The following SLC7A5 variants were observed in gnomAD, a reference collection of about 807,000 sequenced individuals.
SLC7A5 encodes solute carrier family 7 member 5.
Under a neutral mutation model 50.2 loss-of-function variants are expected in SLC7A5, and 23 were observed. The ratio of observed to expected loss-of-function variants is 0.46; its 90% CI spans 0.33 to 0.65. The LOEUF (loss-of-function observed/expected upper bound fraction) is 0.65. Ranked by LOEUF, SLC7A5 falls within the 30% of genes least tolerant of loss-of-function variation. SLC7A5 has a pLI of 0.02. For missense variants in SLC7A5, 578 were observed against 684.4 expected (o/e 0.84, Z 1.73); for synonymous variants, 393 against 330.6 (o/e 1.19, Z -2.05).
intron 1 of SLC7A5, among the ~76,000 whole-genome samples, chr16:87,866,423 T>TC (rs1433724481): frequency 1.3e-5 from 2 of 152,128 alleles, no homozygotes; most frequent in Admixed American, 6.5e-5. Flanking sequence ...TGCCTCAGCC[T>TC]CCGAGTAGCT....
chr16:87,842,891 C>T (rs1010447440), intron 2 of SLC7A5, among the ~76,000 whole-genome samples: 1 of 150,432 alleles, frequency 6.6e-6, no homozygotes, highest in African/African-American at 2.5e-5. Context: ...TGGCCTCTCT[C>T]CCATCTGCTC....
At chr16:87,843,347 CTTTTTTTTTTTTTTTTTT>C (rs60307560) in intron 2 of SLC7A5, among the ~76,000 whole-genome samples, 21 of 63,322 alleles carry the variant, frequency 3.3e-4, no homozygotes, top group East Asian at 1.4e-3. Context: ...GCCTGAGTAA[CTTTTTTTTTTTTTTTTTT>C]TTTTTTTTTT....
intron 1 of SLC7A5, among the ~76,000 whole-genome samples, chr16:87,864,011 G>C (rs536820956): frequency 0.014 from 141 of 10,398 alleles, 1 homozygote; most frequent in Middle Eastern, 0.071. Context: ...ATATATATCA[G>C]CCGAGTAGGC....
At chr16:87,850,852 T>C (rs1261384314) in intron 2 of SLC7A5, among the ~76,000 whole-genome samples, 1 of 152,226 alleles carries the variant, frequency 6.6e-6, no homozygotes, top group African/African-American at 2.4e-5. Flanking sequence ...GTGGAGGCTC[T>C]GCAGGCAGAC....
chr16:87,848,645 C>A (rs1030219972), intron 2 of SLC7A5, among the ~76,000 whole-genome samples: 4 of 152,200 alleles, frequency 2.6e-5, no homozygotes, highest in Non-Finnish European at 4.4e-5. Flanking sequence ...TCGCCCCTGT[C>A]ACTCAGCCAG....
At chr16:87,837,792 G>GC in intron 7 of SLC7A5, 53 bp downstream of exon 7, 1 of 1,441,560 alleles carries the variant, frequency 6.9e-7, no homozygotes, top group Non-Finnish European at 9.6e-7. Flanking sequence ...CCCTCTGGGA[G>GC]CCCCCGGACA....
At position 87,838,689 on chromosome 16, in the gene SLC7A5, C is replaced by G. The variant is rs375781450; in HGVS notation, c.1043+25G>C. The stretch of plus-strand genomic sequence containing the variant: ...GCCATGAGGCCTGGGCCTCCCTCAC[C>G]TGTGGTGGGTCGGGCTGTGCTCACC... On this transcript the variant is annotated intron_variant, in intron 6 of 9. Coordinates refer to ENST00000261622, the MANE Select transcript of SLC7A5 (RefSeq NM_003486.7). The G allele has an allele frequency of 7.6e-6, 12 of 1,575,094 alleles. No homozygotes were observed. The African/African-American group carries it at 1.2e-4, about 16-fold the overall frequency.
At chr16:87,863,986 A>AAAATATATATATATATATATATATAT (rs376938738) in intron 1 of SLC7A5, among the ~76,000 whole-genome samples, 6 of 83,278 alleles carry the variant, frequency 7.2e-5, no homozygotes, top group Non-Finnish European at 1.5e-4. Flanking sequence ...ATCATTTAAA[A>AAAATATATATATATATATATATATAT]ATATATATAT....
At chr16:87,859,152 G>A (rs929142746) in intron 1 of SLC7A5, among the ~76,000 whole-genome samples, 19 of 152,214 alleles carry the variant, frequency 1.2e-4, no homozygotes, top group Non-Finnish European at 2.5e-4. Flanking sequence ...TGAAGCAAAC[G>A]ACCAGAGAAG....
chr16:87,841,913 G>A lies in SLC7A5; in HGVS notation c.665-758C>T, dbSNP rs368434673. Among the ~76,000 whole-genome samples, 4 of 152,214 alleles carry A rather than the reference G, an allele frequency of 2.6e-5. No individual in the cohort carries two copies. Among genetic ancestry groups the A allele is most frequent in the Non-Finnish European group, 5.9e-5 (4 of 68,030 alleles). The stretch of plus-strand genomic sequence containing the variant: ...CCAAATAAGGCCACCAGCATTCACA[G>A]GTTCCCCAGGAGGACATGTCTTTTG... On this transcript the variant is annotated intron_variant, in intron 2 of 9. Coordinates refer to ENST00000261622, the MANE Select transcript of SLC7A5 (RefSeq NM_003486.7). The surrounding 1 kb of genome is among the most constrained non-coding windows in gnomAD (Gnocchi z 4.8).
intron 1 of SLC7A5, among the ~76,000 whole-genome samples, chr16:87,858,723 C>T (rs189713312): frequency 0.01 from 1,571 of 152,282 alleles, 16 homozygotes; most frequent in Non-Finnish European, 0.015. Flanking sequence ...GCACCAAGTC[C>T]ACTTGGGCTC....
intron 1 of SLC7A5, among the ~76,000 whole-genome samples, chr16:87,855,465 A>G (rs2055304353): frequency 6.6e-6 from 1 of 152,022 alleles, no homozygotes; most frequent in African/African-American, 2.4e-5. Flanking sequence ...GTGCACACAC[A>G]CGCACAGCAC....
chr16:87,837,317 T>C, intron 7 of SLC7A5: 1 of 188,844 alleles, frequency 5.3e-6, no homozygotes, highest in Non-Finnish European at 1.1e-5. Context: ...TCTCCAGCCC[T>C]GGTCACACCC....
At chr16:87,854,083 C>G (rs1267284207) in intron 1 of SLC7A5, 1 of 140,790 alleles carries the variant, frequency 7.1e-6, no homozygotes, top group African/African-American at 2.7e-5. Flanking sequence ...CCCCCCCCCC[C>G]ACCGCCAGCC....
rs1202103493 is a variant in SLC7A5, at chr16:87,860,820, GC to G, written c.538+8064del. Reference sequence around the variant, plus strand: ...TCGGTGCTCATTCCTCACGTAGTGGGCAAATCCTAGGGCAGGGGAGGGGCGG... The same window carrying G: ...TCGGTGCTCATTCCTCACGTAGTGGGAAATCCTAGGGCAGGGGAGGGGCGG... On this transcript the variant is annotated intron_variant, in intron 1 of 9. Transcript: ENST00000261622. The surrounding 1 kb of genome is among the most constrained non-coding windows in gnomAD (Gnocchi z 4.8). Among the ~76,000 whole-genome samples the G allele has an allele frequency of 6.6e-6, 1 of 152,204 alleles. No homozygotes were observed. The highest frequency in any genetic ancestry group is 1.5e-5 in the Non-Finnish European group (1 of 68,038).
chr16:87,860,393 CACACACATAT>C lies in SLC7A5; in HGVS notation c.538+8482_538+8491del, dbSNP rs1444027515. Among the ~76,000 whole-genome samples, 599 of 73,150 alleles carry C rather than the reference CACACACATAT, an allele frequency of 8.2e-3. 14 individuals carry two copies. The highest frequency in any genetic ancestry group is 0.02 in the African/African-American group (426 of 21,228). The allele number at this position is 73,150 out of a possible 152,430, so 48.0% of individuals were successfully genotyped here. ...ACACACACACACACACACACACACA[CACACACATAT>C]ATATATAAAGAAAAAGGAAATCTTC... On this transcript the variant is annotated intron_variant, in intron 1 of 9. Coordinates refer to ENST00000261622, the MANE Select transcript of SLC7A5 (RefSeq NM_003486.7). This position sits in a 1 kb window ranked among gnomAD's most constrained non-coding sequence, Gnocchi z 4.8.
Position 87,834,505 on chromosome 16 carries a change from G to A in SLC7A5, c.1377C>T (p.Gly459=), listed in dbSNP as rs2054972242. ...VSFWKTPVEC[G]IGFTIILSGL... ...CGCTGAGGATGATGGTGAAGCCGAT[G>A]CCACACTCCACGGGTGTCTTCCAGA... The change falls in exon 9 of 10, where the codon GGC becomes GGT. Residue 459 remains glycine (G), a synonymous_variant. Coordinates refer to ENST00000261622, the MANE Select transcript of SLC7A5 (RefSeq NM_003486.7). 1.9e-6 allele frequency: 3 copies of A among 1,591,616 alleles called. No homozygotes were observed. In the African/African-American group the frequency reaches 4.0e-5, roughly 21 times the overall value.
In SLC7A5 at chr16:87,854,462, G is replaced by A. The variant is rs79388113; in HGVS notation, c.539-2613C>T. Among the ~76,000 whole-genome samples the A allele has an allele frequency of 9.8e-3, 1,499 of 152,278 alleles. 37 individuals are homozygous for A. Among genetic ancestry groups the A allele is most frequent in the African/African-American group, 0.034 (1,402 of 41,546 alleles). On this transcript the variant is annotated intron_variant, in intron 1 of 9. Coordinates refer to ENST00000261622, the MANE Select transcript of SLC7A5 (RefSeq NM_003486.7). ...CAGTACCTTTCGACCTTAAGGAGGC[G>A]AGGCAGTCACAGGATAAGTCTGGGG...
chr16:87,848,541 C>G (rs1012332811), intron 2 of SLC7A5, among the ~76,000 whole-genome samples: 2 of 152,230 alleles, frequency 1.3e-5, no homozygotes, highest in Admixed American at 1.3e-4. Flanking sequence ...GACACCTAAG[C>G]CTGCGTGTCC....
Sources: allele counts gnomAD v4.1 joint callset (sites outside exome capture counted in the v4.1 genomes callset), GRCh38; gene constraint gnomAD v4.1.1; non-coding constraint Gnocchi (gnomAD v3.1); transcripts MANE v1.5; gene names NCBI Gene and HGNC (gene_info 2026-07-23, HGNC 2026-07-21).